The following ARHGEF3 variants were observed in gnomAD, a reference collection of about 807,000 sequenced individuals.
The protein encoded by ARHGEF3 is 59.8 kDA protein.
ARHGEF3 carries 28 observed loss-of-function variants against 63.2 expected under a neutral mutation model. The observed-to-expected ratio is 0.44, with a 90% CI of 0.33 to 0.61. ARHGEF3 has a LOEUF of 0.61. Ranked by LOEUF, ARHGEF3 falls within the 20% of genes least tolerant of loss-of-function variation. The probability of loss-of-function intolerance (pLI) is 0.03; values close to 1 mark genes in which losing one functional copy is unlikely to be tolerated. For synonymous variants in ARHGEF3, 266 were observed against 254.2 expected (o/e 1.05, Z -0.44); for missense variants, 533 against 659.3 (o/e 0.81, Z 2.10).
intron 2 of ARHGEF3, among the ~76,000 whole-genome samples, chr3:56,990,890 AG>A (rs1701722048): frequency 6.6e-6 from 1 of 152,168 alleles, no homozygotes; most frequent in South Asian, 2.1e-4. Flanking sequence ...ATCCTGCCTA[AG>A]GGGTCAGGTG....
intron 3 of ARHGEF3, among the ~76,000 whole-genome samples, chr3:56,922,970 G>A (rs893024647): frequency 7.4e-6 from 1 of 134,332 alleles, no homozygotes; most frequent in African/African-American, 2.7e-5. Context: ...AGGATCAGCT[G>A]AGGTCAGGAG....
intron 3 of ARHGEF3, among the ~76,000 whole-genome samples, chr3:56,921,009 T>C (rs979632030): frequency 2.7e-4 from 37 of 135,878 alleles, no homozygotes; most frequent in East Asian, 1.2e-3. Flanking sequence ...GAGCCGAGAT[T>C]GCACCACTGC....
chr3:56,785,632 C>T (rs2036763941), intron 1 of ARHGEF3, among the ~76,000 whole-genome samples: 1 of 152,184 alleles, frequency 6.6e-6, no homozygotes, highest in South Asian at 2.1e-4. Flanking sequence ...CTTTGAAGCT[C>T]AGCATTATCT....
intron 7 of ARHGEF3, among the ~76,000 whole-genome samples, chr3:56,741,725 G>C (rs1386629225): frequency 6.6e-6 from 1 of 150,966 alleles, no homozygotes; most frequent in Admixed American, 6.6e-5. Context: ...AGATGGTCTC[G>C]ATCTCCTGAC....
chr3:56,935,787 A>C (rs1017967662), intron 3 of ARHGEF3, among the ~76,000 whole-genome samples: 1 of 152,238 alleles, frequency 6.6e-6, no homozygotes, highest in African/African-American at 2.4e-5. Context: ...CCGTGGCTTC[A>C]TTCTTGAAGT....
intron 3 of ARHGEF3, among the ~76,000 whole-genome samples, chr3:56,939,476 C>T (rs1490602317): frequency 6.6e-6 from 1 of 152,092 alleles, no homozygotes; most frequent in African/African-American, 2.4e-5. Flanking sequence ...AACCACAAAA[C>T]AATACTGAGA....
chr3:56,832,776 C>G (rs1451670413), intron 4 of ARHGEF3, among the ~76,000 whole-genome samples: 2 of 152,224 alleles, frequency 1.3e-5, no homozygotes, highest in African/African-American at 4.8e-5. Flanking sequence ...CTCCCCTCCC[C>G]TCAGTGCCTG....
At chr3:57,032,399 G>GT (rs1703769854) in intron 2 of ARHGEF3, among the ~76,000 whole-genome samples, 1 of 152,204 alleles carries the variant, frequency 6.6e-6, no homozygotes, top group Non-Finnish European at 1.5e-5. Flanking sequence ...AAACATGGGC[G>GT]TGATGGCCCC....
intron 2 of ARHGEF3, among the ~76,000 whole-genome samples, chr3:57,029,335 C>T (rs1703626974): frequency 6.6e-6 from 1 of 151,882 alleles, no homozygotes; most frequent in African/African-American, 2.4e-5. Context: ...TAGGCTGAGG[C>T]AGGAGAATCA....
intron 4 of ARHGEF3, among the ~76,000 whole-genome samples, chr3:56,819,708 T>TG (rs976423347): frequency 2.0e-5 from 3 of 151,394 alleles, no homozygotes; most frequent in Non-Finnish European, 4.4e-5. Context: ...TTTGTAGAAA[T>TG]GGGGGTCTTA....
At chr3:57,048,672 CA>C (rs1240892094) in intron 1 of ARHGEF3, among the ~76,000 whole-genome samples, 2 of 152,114 alleles carry the variant, frequency 1.3e-5, no homozygotes, top group East Asian at 3.9e-4. Context: ...GACCACAAAC[CA>C]AAGCGAATTG....
Position 56,988,490 on chromosome 3 carries a change from A to G in ARHGEF3, c.63-29601T>C, listed in dbSNP as rs539689595. 1.8e-4 allele frequency among the ~76,000 whole-genome samples: 27 copies of G among 152,314 alleles called. No individual in the cohort carries two copies. The East Asian group carries it at 4.1e-3, about 23-fold the overall frequency. On this transcript the variant is annotated intron_variant, in intron 2 of 12. Transcript: ENST00000338458. ...TAGTAGTCATAAAAGTGCCCAGCAC[A>G]TGATAAGAGCACAATAAATGTCACC...
intron 1 of ARHGEF3, chr3:56,775,160 C>T: frequency 6.5e-7 from 1 of 1,532,100 alleles, no homozygotes. Flanking sequence ...TCAGCCATTG[C>T]TTTCAAAGTT....
At chr3:56,926,220 A>C (rs2095337446) in intron 3 of ARHGEF3, among the ~76,000 whole-genome samples, 1 of 152,128 alleles carries the variant, frequency 6.6e-6, no homozygotes, top group South Asian at 2.1e-4. Flanking sequence ...GGTCAGCGCA[A>C]AGGTGAGAAG....
At chr3:56,810,083 G>A (rs370192218) in intron 4 of ARHGEF3, among the ~76,000 whole-genome samples, 2 of 152,088 alleles carry the variant, frequency 1.3e-5, no homozygotes, top group Non-Finnish European at 2.9e-5. Flanking sequence ...ATTCCTTTAT[G>A]TGGGTTTCGT....
chr3:56,762,162 C>T (rs1237597412), intron 2 of ARHGEF3, among the ~76,000 whole-genome samples: 5 of 152,114 alleles, frequency 3.3e-5, no homozygotes, highest in South Asian at 2.1e-4. Context: ...CGCCAGTCCA[C>T]GGTAACTAGA....
At chr3:56,999,119 G>T (rs1030549559) in intron 2 of ARHGEF3, among the ~76,000 whole-genome samples, 1 of 151,482 alleles carries the variant, frequency 6.6e-6, no homozygotes, top group Non-Finnish European at 1.5e-5. Flanking sequence ...GTGTGATCTC[G>T]GCTCACTGCA....
intron 3 of ARHGEF3, among the ~76,000 whole-genome samples, chr3:56,950,314 A>C (rs562735672): frequency 7.1e-4 from 108 of 152,222 alleles, no homozygotes; most frequent in African/African-American, 2.5e-3. Context: ...TCTGCACAGC[A>C]AAAGAAACTA....
chr3:56,733,569 C>T (rs974106334), intron 8 of ARHGEF3, among the ~76,000 whole-genome samples: 7 of 151,994 alleles, frequency 4.6e-5, no homozygotes, highest in African/African-American at 1.7e-4. Context: ...CTTTGCTTCC[C>T]AAACCCATGA....
Sources: allele counts gnomAD v4.1 joint callset (sites outside exome capture counted in the v4.1 genomes callset), GRCh38; gene constraint gnomAD v4.1.1; transcripts MANE v1.5; gene names NCBI Gene and HGNC (gene_info 2026-07-23, HGNC 2026-07-21).